ARHGEF3: variants seen among roughly 807,000 people sequenced by gnomAD.
The protein encoded by ARHGEF3 is Rho guanine nucleotide exchange factor 3, also known as 59.8 kDA protein.
Under a neutral mutation model 63.2 loss-of-function variants are expected in ARHGEF3, and 28 were observed. The observed-to-expected ratio is 0.44, with a 90% CI of 0.33 to 0.61. ARHGEF3 has a LOEUF of 0.61. Ranked by LOEUF, ARHGEF3 falls within the 20% of genes least tolerant of loss-of-function variation. The pLI is 0.03. For synonymous variants in ARHGEF3, 266 were observed against 254.2 expected (o/e 1.05, Z -0.44); for missense variants, 533 against 659.3 (o/e 0.81, Z 2.10).
intron 4 of ARHGEF3, among the ~76,000 whole-genome samples, chr3:56,810,391 C>T (rs2108001522): frequency 6.6e-6 from 1 of 152,062 alleles, no homozygotes; most frequent in East Asian, 1.9e-4. Flanking sequence ...AAAAAATAGA[C>T]AAAGTAACTG....
At chr3:56,976,778 T>C (rs1267409816) in intron 2 of ARHGEF3, among the ~76,000 whole-genome samples, 7 of 152,158 alleles carry the variant, frequency 4.6e-5, no homozygotes, top group Non-Finnish European at 1.0e-4. Context: ...ATTCCCAAAC[T>C]GTCAGTGAAA....
At chr3:56,992,614 G>A (rs1579040066) in intron 2 of ARHGEF3, among the ~76,000 whole-genome samples, 1 of 151,910 alleles carries the variant, frequency 6.6e-6, no homozygotes, top group Non-Finnish European at 1.5e-5. Flanking sequence ...AAGGACAGTT[G>A]GTGAAGTCCT....
intron 3 of ARHGEF3, among the ~76,000 whole-genome samples, chr3:56,897,564 T>C (rs1357370497): frequency 6.6e-6 from 1 of 151,138 alleles, no homozygotes; most frequent in African/African-American, 2.4e-5. Flanking sequence ...TCTATATGTA[T>C]CTTTTTTTTT....
chr3:57,075,068 T>G (rs1461437008), intron 1 of ARHGEF3: 2 of 167,110 alleles, frequency 1.2e-5, no homozygotes, highest in Non-Finnish European at 2.9e-5. Context: ...ACCACAACAT[T>G]GGGCTCCATA....
chr3:56,867,692 A>G (rs2040300377), intron 4 of ARHGEF3, among the ~76,000 whole-genome samples: 1 of 152,156 alleles, frequency 6.6e-6, no homozygotes, highest in African/African-American at 2.4e-5. Context: ...GTTGGTCTCG[A>G]GCTCCTGAGC....
intron 3 of ARHGEF3, among the ~76,000 whole-genome samples, chr3:56,953,337 T>C (rs1035648128): frequency 1.3e-5 from 2 of 152,212 alleles, no homozygotes; most frequent in Non-Finnish European, 1.5e-5. Flanking sequence ...CTTCCTTCTA[T>C]ACACGGAGAA....
chr3:56,913,300 C>T (rs1247446478), intron 3 of ARHGEF3, among the ~76,000 whole-genome samples: 1 of 151,902 alleles, frequency 6.6e-6, no homozygotes, highest in Non-Finnish European at 1.5e-5. Flanking sequence ...TCCTAAAACT[C>T]AATAGCAAAA....
At chr3:56,951,602 C>A (rs1699816075) in intron 3 of ARHGEF3, among the ~76,000 whole-genome samples, 1 of 151,862 alleles carries the variant, frequency 6.6e-6, no homozygotes, top group Admixed American at 6.6e-5. Flanking sequence ...TGTGCCTGCA[C>A]TTTCATAATT....
chr3:57,047,342 C>T (rs951675837), intron 1 of ARHGEF3, among the ~76,000 whole-genome samples: 1 of 152,040 alleles, frequency 6.6e-6, no homozygotes, highest in African/African-American at 2.4e-5. Context: ...ATAAGTAAGA[C>T]TCCGTCTCAA....
intron 3 of ARHGEF3, among the ~76,000 whole-genome samples, chr3:56,929,880 G>A (rs548583283): frequency 3.5e-4 from 53 of 152,086 alleles, no homozygotes; most frequent in Non-Finnish European, 5.0e-4. Flanking sequence ...TGATGTTTCC[G>A]GAATAGCCCT....
chr3:56,811,775 A>G (rs188573861), intron 4 of ARHGEF3, among the ~76,000 whole-genome samples: 1 of 152,304 alleles, frequency 6.6e-6, no homozygotes, highest in East Asian at 1.9e-4. Flanking sequence ...AGTTCCCCAG[A>G]TTTTATCATT....
At chr3:56,874,595 T>C (rs1481515803) in intron 4 of ARHGEF3, among the ~76,000 whole-genome samples, 1 of 152,258 alleles carries the variant, frequency 6.6e-6, no homozygotes, top group Non-Finnish European at 1.5e-5. Flanking sequence ...TCTATATCAA[T>C]GCTTGTGCTT....
chr3:57,031,579 C>G (rs1330358634), intron 2 of ARHGEF3, among the ~76,000 whole-genome samples: 1 of 152,338 alleles, frequency 6.6e-6, no homozygotes, highest in South Asian at 2.1e-4. Context: ...AGATGCCAGA[C>G]TCCAAATTCC....
intron 2 of ARHGEF3, among the ~76,000 whole-genome samples, chr3:56,988,994 G>C (rs1281231591): frequency 6.6e-6 from 1 of 152,106 alleles, no homozygotes; most frequent in East Asian, 1.9e-4. Context: ...ATTACAAATA[G>C]CTGGAAGACA....
At chr3:56,740,924 C>T (rs2033974890) in intron 7 of ARHGEF3, among the ~76,000 whole-genome samples, 1 of 152,216 alleles carries the variant, frequency 6.6e-6, no homozygotes, top group Non-Finnish European at 1.5e-5. Context: ...AACTGAACAA[C>T]TGGCATATCA....
intron 1 of ARHGEF3, chr3:57,035,243 A>G: frequency 1.1e-6 from 1 of 878,744 alleles, no homozygotes; most frequent in Non-Finnish European, 1.7e-6. Flanking sequence ...ACACACAAAG[A>G]GCTGCATTAA....
At chr3:56,949,450 A>G (rs1699691464) in intron 3 of ARHGEF3, among the ~76,000 whole-genome samples, 1 of 152,190 alleles carries the variant, frequency 6.6e-6, no homozygotes, top group African/African-American at 2.4e-5. Context: ...TACAAAATCA[A>G]TGTGCAAAAA....
rs1486681003 is a variant in ARHGEF3 at position 57,033,416 on chromosome 3, T to TA, written c.62+1671dup. On this transcript the variant is annotated intron_variant, in intron 2 of 12. Coordinates refer to the ARHGEF3 transcript ENST00000338458. ...GGATATACTATTCACTTGGCTGCAG[T>TA]AAAAAAAAAAAAAAAATGTAGATTC... Among the ~76,000 whole-genome samples, 334 of 72,132 alleles carry TA rather than the reference T, an allele frequency of 4.6e-3. 2 individuals are homozygous for TA. In the Middle Eastern group the frequency reaches 0.051, roughly 11 times the overall value. The allele number at this position is 72,132 out of a possible 152,430, so 47.3% of individuals were successfully genotyped here. A position where few individuals can be genotyped will look rare whatever the true frequency, so the allele number is the denominator to read the frequency against.
Position 56,904,730 on chromosome 3 carries a change from T to C in ARHGEF3, c.130-22376A>G, listed in dbSNP as rs118147832. On this transcript the variant is annotated intron_variant, in intron 3 of 12. Transcript: ENST00000338458. ...ACAAAGAACATCTGTTTTGTATTTA[T>C]GTCGTCAGTACCCTCTAGGCCTTGG... Among the ~76,000 whole-genome samples the C allele has an allele frequency of 2.4e-4, 37 of 152,324 alleles. No homozygotes were observed. The East Asian group carries it at 6.4e-3, about 26-fold the overall frequency.
Sources: gnomAD v4.1 joint callset for allele counts (sites outside exome capture counted in the v4.1 genomes callset) on GRCh38, gnomAD v4.1.1 for gene constraint, MANE v1.5 for transcripts, NCBI Gene and HGNC (gene_info 2026-07-23, HGNC 2026-07-21) for gene names.